Variants in UBTD2 observed in about 807,000 individuals in gnomAD.
UBTD2 encodes the protein ubiquitin domain-containing protein 2.
A neutral mutation model predicts 19.8 loss-of-function variants in UBTD2; 9 were observed. The ratio of observed to expected loss-of-function variants is 0.46; its 90% CI spans 0.27 to 0.79. The LOEUF (loss-of-function observed/expected upper bound fraction) is 0.79. Ranked by LOEUF, UBTD2 falls within the 30% of genes least tolerant of loss-of-function variation. The pLI is 0.14. For missense variants in UBTD2, 250 were observed against 300.4 expected (o/e 0.83, Z 1.24); for synonymous variants, 98 against 103.9 (o/e 0.94, Z 0.35).
At chr5:172,234,655 C>T (rs1182514836) in intron 1 of UBTD2, among the ~76,000 whole-genome samples, 1 of 152,082 alleles carries the variant, frequency 6.6e-6, no homozygotes, top group East Asian at 1.9e-4. Flanking sequence ...ACCTGTAATC[C>T]CAGCACTTTG....
Position 172,246,751 on chromosome 5 carries a change from C to CTTTTTTTTTT in UBTD2, c.71-12403_71-12394dup, listed in dbSNP as rs70982379. 4.8e-5 allele frequency among the ~76,000 whole-genome samples: 3 copies of CTTTTTTTTTT among 62,496 alleles called. 1 individual carries two copies. The highest frequency in any genetic ancestry group is 8.5e-5 in the Non-Finnish European group (3 of 35,488). The allele number at this position is 62,496 out of a possible 152,430, so 41.0% of individuals were successfully genotyped here. On this transcript the variant is annotated intron_variant, in intron 1 of 2. Coordinates refer to ENST00000393792, the MANE Select transcript of UBTD2 (RefSeq NM_152277.3). ...GAGCCACCACGCCCAGCCGAGATTG[C>CTTTTTTTTTT]TTTTTTTTTTTTTTTTTTTTTTTTT...
At chr5:172,257,268 A>G (rs1755174198) in intron 1 of UBTD2, among the ~76,000 whole-genome samples, 2 of 152,250 alleles carry the variant, frequency 1.3e-5, no homozygotes, top group Non-Finnish European at 2.9e-5. Context: ...TAATTCACTT[A>G]GGATAATGGC....
intron 1 of UBTD2, among the ~76,000 whole-genome samples, chr5:172,245,062 G>C (rs1377331341): frequency 6.6e-6 from 1 of 152,190 alleles, no homozygotes; most frequent in African/African-American, 2.4e-5. Flanking sequence ...CCTAGCAATA[G>C]TAGCGGTAGA....
Position 172,271,629 on chromosome 5 carries a change from T to C in UBTD2, c.70+11967A>G, listed in dbSNP as rs1755495346. On this transcript the variant is annotated intron_variant, in intron 1 of 2. Transcript: ENST00000393792. ...TAATATACAGCAGGCCTTATTTACA[T>C]CTCTAATTACAGCTAGCGTCAAGTG... Among the ~76,000 whole-genome samples, 3 of 152,086 alleles carry C rather than the reference T, an allele frequency of 2.0e-5. No individual in the cohort carries two copies. In the South Asian group the frequency reaches 6.2e-4, roughly 32 times the overall value.
chr5:172,251,417 A>G (rs1277108224), intron 1 of UBTD2, among the ~76,000 whole-genome samples: 1 of 149,722 alleles, frequency 6.7e-6, no homozygotes, highest in East Asian at 1.9e-4. Context: ...GTGTCCAATC[A>G]TATTCAATCC....
intron 2 of UBTD2, among the ~76,000 whole-genome samples, chr5:172,228,782 G>A (rs1257114415): frequency 1.3e-5 from 2 of 151,676 alleles, no homozygotes; most frequent in African/African-American, 4.8e-5. Flanking sequence ...GTATTTTATT[G>A]CTGATTCTCA....
Position 172,242,281 on chromosome 5 carries a change from C to A in UBTD2, c.71-7923G>T, listed in dbSNP as rs1391383578. ...ATGGCAAGGCAAACAGTCAGATTAA[C>A]ACACTATAATATCGTTGTCATACCT... On this transcript the variant is annotated intron_variant, in intron 1 of 2. Coordinates refer to ENST00000393792, the MANE Select transcript of UBTD2 (RefSeq NM_152277.3). The A allele has an allele frequency of 5.1e-6, 3 of 588,284 alleles. No homozygotes were observed. In the African/African-American group the frequency reaches 6.1e-5, roughly 12 times the overall value. 36.4% of individuals were successfully genotyped at this position (588,284 alleles called of 1,614,324 possible). A position where few individuals can be genotyped will look rare whatever the true frequency, so the allele number is the denominator to read the frequency against.
intron 2 of UBTD2, among the ~76,000 whole-genome samples, chr5:172,213,067 T>C (rs758338314): frequency 1.3e-5 from 2 of 152,076 alleles, no homozygotes; most frequent in Non-Finnish European, 2.9e-5. Flanking sequence ...CTCGGTTTAC[T>C]GCAACCTCCA....
chr5:172,248,937 T>TG (rs11450128), intron 1 of UBTD2, among the ~76,000 whole-genome samples: 3,044 of 147,702 alleles, frequency 0.021, 90 homozygotes, highest in African/African-American at 0.071. Flanking sequence ...GGGCCTGTCT[T>TG]GGGGGGGAAG....
chr5:172,228,900 C>T (rs1465885669), intron 2 of UBTD2, among the ~76,000 whole-genome samples: 5 of 151,890 alleles, frequency 3.3e-5, no homozygotes, highest in Non-Finnish European at 7.4e-5. Flanking sequence ...ACATAATGCA[C>T]ATTTAATATA....
chr5:172,278,031 C>T (rs1755642778), intron 1 of UBTD2, among the ~76,000 whole-genome samples: 1 of 151,996 alleles, frequency 6.6e-6, no homozygotes, highest in South Asian at 2.1e-4. Flanking sequence ...TGGAATATAA[C>T]AAGTGATGGT....
chr5:172,274,904 C>T (rs1244710746), intron 1 of UBTD2, among the ~76,000 whole-genome samples: 7 of 152,112 alleles, frequency 4.6e-5, no homozygotes, highest in African/African-American at 7.2e-5. Flanking sequence ...GGCATGGTGG[C>T]GGGCGCCTGT....
At position 172,234,306 on chromosome 5, in the gene UBTD2, G is replaced by A. The variant is rs746885757; in HGVS notation, c.123C>T (p.Ser41=). Residue 41 remains serine, a synonymous_variant, in exon 2 of 3, where the codon AGC becomes AGT. Transcript: ENST00000393792. Reference sequence around the variant, plus strand: ...GTTGTCCATCTGTCATAGGATAATCGCTTTTCCATTTTGGTTTCTCCTTTT... The same window carrying A: ...GTTGTCCATCTGTCATAGGATAATCACTTTTCCATTTTGGTTTCTCCTTTT... ...PLKKEKPKWK[S]DYPMTDGQLR... is the part of the protein sequence containing the mutation. The A allele has an allele frequency of 3.8e-5, 62 of 1,613,994 alleles. No individual in the cohort carries two copies. The highest frequency in any genetic ancestry group is 1.6e-4 in the Middle Eastern group (1 of 6,084).
chr5:172,257,813 CT>C (rs1171418327), intron 1 of UBTD2, among the ~76,000 whole-genome samples: 1 of 152,140 alleles, frequency 6.6e-6, no homozygotes, highest in Non-Finnish European at 1.5e-5. Context: ...GGAATGTCTT[CT>C]TTTGGTAAGT....
At chr5:172,280,452 G>A (rs1336998935) in intron 1 of UBTD2, among the ~76,000 whole-genome samples, 1 of 149,208 alleles carries the variant, frequency 6.7e-6, no homozygotes, top group African/African-American at 2.5e-5. Context: ...AGAGGCTGCA[G>A]TGAGCAGAGA....
chr5:172,224,258 CATA>C (rs151309818), intron 2 of UBTD2, among the ~76,000 whole-genome samples: 45,822 of 149,460 alleles, frequency 0.31, 7,199 homozygotes, highest in South Asian at 0.42. Context: ...AAGCTCTTCT[CATA>C]ATAATGAGTT....
At chr5:172,282,320 AG>A (rs1202105364) in intron 1 of UBTD2, among the ~76,000 whole-genome samples, 1 of 152,186 alleles carries the variant, frequency 6.6e-6, no homozygotes, top group African/African-American at 2.4e-5. Context: ...TACACTATAA[AG>A]TAGCATTTTC....
chr5:172,228,613 C>A (rs1473511211), intron 2 of UBTD2, among the ~76,000 whole-genome samples: 1 of 151,724 alleles, frequency 6.6e-6, no homozygotes, highest in Non-Finnish European at 1.5e-5. Flanking sequence ...CTCAGCTACT[C>A]GGGAGGCTGA....
chr5:172,216,683 G>A (rs572902031), intron 2 of UBTD2, among the ~76,000 whole-genome samples: 1 of 151,192 alleles, frequency 6.6e-6, no homozygotes, highest in East Asian at 2.0e-4. Context: ...ATGGCTGGGC[G>A]CGGTGGCTCA....
Sources: gnomAD v4.1 joint callset for allele counts (sites outside exome capture counted in the v4.1 genomes callset) on GRCh38, gnomAD v4.1.1 for gene constraint, MANE v1.5 for transcripts, NCBI Gene and HGNC (gene_info 2026-07-23, HGNC 2026-07-21) for gene names.